The following ZMYND8 variants were observed in gnomAD, a reference collection of about 807,000 sequenced individuals.
The protein encoded by ZMYND8 is MYND-type zinc finger-containing chromatin reader ZMYND8.
A neutral mutation model predicts 140.8 loss-of-function variants in ZMYND8; 37 were observed. That is an observed-to-expected ratio of 0.26 (90% CI 0.20 to 0.35). ZMYND8 has a LOEUF of 0.35. ZMYND8 is among the 10% of genes least tolerant of loss of function. The pLI is 1.00. For synonymous variants in ZMYND8, 592 were observed against 597.1 expected (o/e 0.99, Z 0.12); for missense variants, 1,068 against 1,570.0 (o/e 0.68, Z 5.40).
chr20:47,353,169 G>C (rs1431965852), intron 1 of ZMYND8: 1 of 152,086 alleles, frequency 6.6e-6, no homozygotes, highest in African/African-American at 2.4e-5. Flanking sequence ...GGTTTTCTAG[G>C]TTACTGTCAC....
At chr20:47,215,297 T>C (rs557960957) in intron 21 of ZMYND8, among the ~76,000 whole-genome samples, 3 of 152,112 alleles carry the variant, frequency 2.0e-5, no homozygotes, top group South Asian at 4.1e-4. Flanking sequence ...CACTTGAACC[T>C]GGGAAGCAGA....
chr20:47,344,819 T>C (rs564064099), intron 2 of ZMYND8, among the ~76,000 whole-genome samples: 2 of 152,266 alleles, frequency 1.3e-5, no homozygotes, highest in East Asian at 1.9e-4. Context: ...TTTAAAAATG[T>C]AATAGAAAAT....
intron 12 of ZMYND8, among the ~76,000 whole-genome samples, chr20:47,250,440 CA>C (rs2147343624): frequency 6.6e-6 from 1 of 152,230 alleles, no homozygotes; most frequent in East Asian, 1.9e-4. Context: ...CGGCCGATCC[CA>C]AAAAATAAGT....
intron 13 of ZMYND8, among the ~76,000 whole-genome samples, chr20:47,247,004 G>C (rs1424843157): frequency 6.6e-6 from 1 of 152,142 alleles, no homozygotes; most frequent in African/African-American, 2.4e-5. Context: ...TTTCCAAAGG[G>C]TTAAAGTTCT....
chr20:47,305,292 G>A (rs376634429), intron 3 of ZMYND8, among the ~76,000 whole-genome samples: 4 of 151,556 alleles, frequency 2.6e-5, no homozygotes, highest in African/African-American at 4.9e-5. Flanking sequence ...TGTCACCCAG[G>A]CTGGAGTGCA....
chr20:47,310,618 TCTA>T (rs948115438), intron 2 of ZMYND8, among the ~76,000 whole-genome samples: 7 of 151,828 alleles, frequency 4.6e-5, no homozygotes, highest in Non-Finnish European at 1.0e-4. Flanking sequence ...CAATACCGTC[TCTA>T]CTAAGAGTAC....
At chr20:47,341,166 C>A (rs1438829325) in intron 2 of ZMYND8, among the ~76,000 whole-genome samples, 1 of 151,936 alleles carries the variant, frequency 6.6e-6, no homozygotes, top group Non-Finnish European at 1.5e-5. Context: ...TCATGTTTAG[C>A]TGATATAGAC....
At chr20:47,259,504 A>C (rs1439483727) in intron 12 of ZMYND8, among the ~76,000 whole-genome samples, 2 of 152,134 alleles carry the variant, frequency 1.3e-5, no homozygotes, top group East Asian at 1.9e-4. Context: ...CTGTAGGACA[A>C]GATGGACCTG....
At chr20:47,227,130 G>T in intron 18 of ZMYND8, 73 bp downstream of exon 18, 1 of 1,482,080 alleles carries the variant, frequency 6.7e-7, no homozygotes, top group Non-Finnish European at 9.4e-7. Context: ...TCACATCTCG[G>T]CTTGACTCCA....
At chr20:47,343,748 T>C (rs2082109007) in intron 2 of ZMYND8, among the ~76,000 whole-genome samples, 1 of 152,152 alleles carries the variant, frequency 6.6e-6, no homozygotes, top group Non-Finnish European at 1.5e-5. Context: ...CTGCCCGCCT[T>C]GGCCTCCCAA....
chr20:47,309,883 T>C (rs893040584), intron 3 of ZMYND8, among the ~76,000 whole-genome samples, 173 bp downstream of exon 3: 1 of 152,026 alleles, frequency 6.6e-6, no homozygotes, highest in Non-Finnish European at 1.5e-5. Flanking sequence ...CCACTGGAAA[T>C]TTCTACACAG....
At chr20:47,337,065 G>C (rs1219498303) in intron 2 of ZMYND8, among the ~76,000 whole-genome samples, 1 of 151,784 alleles carries the variant, frequency 6.6e-6, no homozygotes, top group Non-Finnish European at 1.5e-5. Context: ...AAAAATCAAA[G>C]GGCCAGCCAG....
chr20:47,266,400 C>A (rs778936939), intron 11 of ZMYND8, among the ~76,000 whole-genome samples: 11 of 152,150 alleles, frequency 7.2e-5, no homozygotes, highest in Admixed American at 5.9e-4. Flanking sequence ...CCTGCCTCAG[C>A]CTCACAAGCA....
At chr20:47,312,446 C>A (rs2079010131) in intron 2 of ZMYND8, among the ~76,000 whole-genome samples, 1 of 152,132 alleles carries the variant, frequency 6.6e-6, no homozygotes, top group Non-Finnish European at 1.5e-5. Context: ...ATGCTAACAA[C>A]AGGTACCTTG....
intron 2 of ZMYND8, among the ~76,000 whole-genome samples, chr20:47,338,682 C>T (rs972883181): frequency 1.3e-5 from 2 of 152,148 alleles, no homozygotes; most frequent in Admixed American, 1.3e-4. Context: ...CTATGGGGCA[C>T]GAGAGCTCAG....
intron 16 of ZMYND8, among the ~76,000 whole-genome samples, chr20:47,233,783 A>C (rs909505344): frequency 1.3e-5 from 2 of 152,236 alleles, no homozygotes; most frequent in Admixed American, 6.5e-5. Context: ...TTTGTCAAGA[A>C]GACTGAGTAA....
chr20:47,310,053 T>C lies in ZMYND8; in HGVS notation c.234+3A>G, dbSNP rs755211127. 6.2e-7 allele frequency: 1 copy of C among 1,614,210 alleles called. No homozygotes were observed. Among genetic ancestry groups the C allele is most frequent in the East Asian group, 2.2e-5 (1 of 44,886 alleles). On this transcript the variant is annotated splice_donor_region_variant and intron_variant, in intron 3 of 22. Transcript: ENST00000471951. Reference sequence around the variant, plus strand: ...AGGACACCGTTCCCAGCGGCTGCTTTACCTGCTCCTTATTGTTACTGTTCA... The same window carrying C: ...AGGACACCGTTCCCAGCGGCTGCTTCACCTGCTCCTTATTGTTACTGTTCA...
chr20:47,317,409 C>T (rs2079495907), intron 2 of ZMYND8, among the ~76,000 whole-genome samples: 1 of 151,310 alleles, frequency 6.6e-6, no homozygotes, highest in Admixed American at 6.6e-5. Flanking sequence ...CACCCCACTC[C>T]TGCCCCCACA....
chr20:47,213,951 G>A (rs757634812), intron 21 of ZMYND8, among the ~76,000 whole-genome samples: 5 of 152,156 alleles, frequency 3.3e-5, no homozygotes, highest in African/African-American at 4.8e-5. Flanking sequence ...TTTATTCTCT[G>A]CAACTCTATG....
Sources: gnomAD v4.1 joint callset for allele counts (sites outside exome capture counted in the v4.1 genomes callset) on GRCh38, gnomAD v4.1.1 for gene constraint, MANE v1.5 for transcripts, NCBI Gene and HGNC (gene_info 2026-07-23, HGNC 2026-07-21) for gene names.